Variants in GRM7 observed in about 807,000 individuals in gnomAD.
The protein encoded by GRM7 is metabotropic glutamate receptor 7.
Under a neutral mutation model 84.5 loss-of-function variants are expected in GRM7, and 35 were observed. The ratio of observed to expected loss-of-function variants is 0.41; its 90% confidence interval spans 0.32 to 0.55. The LOEUF is 0.55. Among genes scored for constraint, GRM7 ranks in the 20% least tolerant of loss-of-function variants. The pLI is 0.19. For synonymous variants in GRM7, 487 were observed against 455.1 expected (o/e 1.07, Z -0.89); for missense variants, 1,003 against 1,194.6 (o/e 0.84, Z 2.36).
chr3:6,919,139 G>A (rs906059929), intron 1 of GRM7, among the ~76,000 whole-genome samples: 4 of 152,014 alleles, frequency 2.6e-5, no homozygotes, highest in African/African-American at 7.2e-5. Context: ...CTTAATTTTG[G>A]TTCTTTATGT....
intron 2 of GRM7, among the ~76,000 whole-genome samples, chr3:7,203,470 C>T (rs1696133695): frequency 6.6e-6 from 1 of 152,012 alleles, no homozygotes; most frequent in African/African-American, 2.4e-5. Flanking sequence ...ATATATATCT[C>T]ATATTTTCTT....
chr3:7,123,951 A>C (rs1411018704), intron 1 of GRM7, among the ~76,000 whole-genome samples: 1 of 152,008 alleles, frequency 6.6e-6, no homozygotes, highest in Non-Finnish European at 1.5e-5. Flanking sequence ...TTTCAAAATA[A>C]ATTTTGTCCT....
Position 6,882,593 on chromosome 3 carries a change from A to G in GRM7, c.519+20686A>G, listed in dbSNP as rs189062081. 4.5e-4 allele frequency among the ~76,000 whole-genome samples: 69 copies of G among 152,284 alleles called. 1 individual carries two copies. The highest frequency in any genetic ancestry group is 1.7e-3 in the African/African-American group (69 of 41,566). Reference sequence around the variant, plus strand: ...AAATAACTTAAAATCCCATTATCCCATTTCCAATAAATGATCTTCATAACA... The same window carrying G: ...AAATAACTTAAAATCCCATTATCCCGTTTCCAATAAATGATCTTCATAACA... On this transcript the variant is annotated intron_variant, in intron 1 of 9. Coordinates refer to ENST00000357716, the MANE Select transcript of GRM7 (RefSeq NM_000844.4).
At chr3:7,714,719 C>G (rs116230414) in intron 9 of GRM7, among the ~76,000 whole-genome samples, 1 of 152,160 alleles carries the variant, frequency 6.6e-6, no homozygotes, top group Non-Finnish European at 1.5e-5. Context: ...CCCACCAGCA[C>G]GTAATTTCCT....
intron 9 of GRM7, chr3:7,691,055 G>A (rs777767863): frequency 2.3e-6 from 1 of 427,612 alleles, no homozygotes; most frequent in Non-Finnish European, 4.6e-6. Context: ...TTTTTTGGCT[G>A]TACAGTGGAA....
At chr3:7,542,594 C>A (rs1007643394) in intron 7 of GRM7, among the ~76,000 whole-genome samples, 19 of 147,574 alleles carry the variant, frequency 1.3e-4, no homozygotes, top group Non-Finnish European at 2.1e-4. Flanking sequence ...TGTCGCCAGA[C>A]TGGAGTGCAG....
At chr3:7,304,287 CT>C (rs1700110041) in intron 3 of GRM7, among the ~76,000 whole-genome samples, 1 of 128,932 alleles carries the variant, frequency 7.8e-6, no homozygotes, top group Non-Finnish European at 1.7e-5. Flanking sequence ...GAAGCCATTG[CT>C]CCATCATCCA....
chr3:7,069,082 T>A (rs997303582), intron 1 of GRM7, among the ~76,000 whole-genome samples: 4 of 151,064 alleles, frequency 2.6e-5, no homozygotes, highest in African/African-American at 4.9e-5. Context: ...TATCATATAT[T>A]AATCTGGAAT....
intron 1 of GRM7, among the ~76,000 whole-genome samples, chr3:7,130,350 T>G (rs1302548621): frequency 6.6e-6 from 1 of 152,106 alleles, no homozygotes; most frequent in Non-Finnish European, 1.5e-5. Context: ...GAGACCAGTC[T>G]GGCCAACATA....
chr3:7,575,634 C>A (rs1460734085), intron 7 of GRM7, among the ~76,000 whole-genome samples: 1 of 152,144 alleles, frequency 6.6e-6, no homozygotes, highest in African/African-American at 2.4e-5. Context: ...AAATGTTAAT[C>A]AGTACCTTCA....
intron 8 of GRM7, among the ~76,000 whole-genome samples, chr3:7,601,702 TCC>T (rs1696319811): frequency 6.6e-6 from 1 of 152,070 alleles, no homozygotes. Flanking sequence ...GGTCAGTGTC[TCC>T]AGGAGTCATC....
In GRM7 at chr3:7,276,793, T is replaced by TCCTCCCTCCCTCCCTCCCTC. The variant is rs1553641241; in HGVS notation, c.737-21888_737-21887insCCCTCCCTCCCTCCCTCCCT. Among the ~76,000 whole-genome samples the TCCTCCCTCCCTCCCTCCCTC allele has an allele frequency of 6.0e-4, 2 of 3,312 alleles. 1 individual carries two copies. The highest frequency in any genetic ancestry group is 1.4e-3 in the Non-Finnish European group (2 of 1,384). The allele number at this position is 3,312 out of a possible 152,430, so 2.2% of individuals were successfully genotyped here. A position where few individuals can be genotyped will look rare whatever the true frequency, so the allele number is the denominator to read the frequency against. ...TTCCTTCCTTCCTTCCTTCCTTCCT[T>TCCTCCCTCCCTCCCTCCCTC]CCTTCCTTCCTTTTTGGTGGTGGCA... On this transcript the variant is annotated intron_variant, in intron 2 of 9. Transcript: ENST00000357716.
intron 8 of GRM7, among the ~76,000 whole-genome samples, chr3:7,621,441 G>A (rs1697347395): frequency 6.6e-6 from 1 of 152,082 alleles, no homozygotes; most frequent in South Asian, 2.1e-4. Flanking sequence ...CGTGGACCCT[G>A]CCAAAAGAAT....
intron 1 of GRM7, among the ~76,000 whole-genome samples, chr3:7,018,305 G>A (rs1300961833): frequency 1.3e-5 from 2 of 152,342 alleles, no homozygotes; most frequent in Middle Eastern, 3.4e-3. Context: ...TACTTTGGAA[G>A]TGATTCCAGA....
intron 7 of GRM7, among the ~76,000 whole-genome samples, chr3:7,565,034 A>C (rs574840271): frequency 6.8e-4 from 103 of 152,322 alleles, no homozygotes; most frequent in African/African-American, 2.4e-3. Flanking sequence ...AGTGCTCCAT[A>C]TTTAATTCCC....
intron 7 of GRM7, among the ~76,000 whole-genome samples, chr3:7,466,725 T>A (rs187697909): frequency 1.2e-4 from 19 of 152,350 alleles, no homozygotes; most frequent in Admixed American, 5.2e-4. Flanking sequence ...GAAGACTGAA[T>A]GAATATTATT....
At chr3:6,888,798 A>G (rs532841734) in intron 1 of GRM7, among the ~76,000 whole-genome samples, 4 of 152,286 alleles carry the variant, frequency 2.6e-5, no homozygotes, top group Admixed American at 6.5e-5. Flanking sequence ...TGGGGATGGC[A>G]TTGAATCTAT....
intron 1 of GRM7, among the ~76,000 whole-genome samples, chr3:7,141,909 T>G (rs977185890): frequency 1.3e-5 from 2 of 152,170 alleles, no homozygotes; most frequent in African/African-American, 2.4e-5. Context: ...TTCTTTTGTA[T>G]TTAAAAGTCC....
rs149845783 is a variant in GRM7, at chr3:7,083,900, C to T, written c.520-62552C>T. Among the ~76,000 whole-genome samples the T allele has an allele frequency of 1.9e-3, 287 of 152,224 alleles. 3 individuals carry two copies. The highest frequency in any genetic ancestry group is 7.7e-4 in the East Asian group (4 of 5,168). On this transcript the variant is annotated intron_variant, in intron 1 of 9. Coordinates refer to ENST00000357716, the MANE Select transcript of GRM7 (RefSeq NM_000844.4). ...GAGTGTTACGAGGTAGAAACACCAG[C>T]AACCTGAGTGGCAATGAGGTGGGAA...
Sources: allele counts gnomAD v4.1 joint callset (sites outside exome capture counted in the v4.1 genomes callset), GRCh38; gene constraint gnomAD v4.1.1; transcripts MANE v1.5; gene names NCBI Gene and HGNC (gene_info 2026-07-23, HGNC 2026-07-21).